ASTN2: variants seen among roughly 807,000 people sequenced by gnomAD.
ASTN2 encodes the protein astrotactin-2.
Under a neutral mutation model 139.8 loss-of-function variants are expected in ASTN2, and 54 were observed. The observed-to-expected ratio is 0.39, with a 90% confidence interval of 0.31 to 0.48. ASTN2 has a LOEUF of 0.48. ASTN2 is among the 20% of genes least tolerant of loss of function. The pLI, the probability that ASTN2 is intolerant of heterozygous loss-of-function variation, is 0.95. For synonymous variants in ASTN2, 756 were observed against 719.5 expected, an observed-to-expected ratio of 1.05 and a Z score of -0.81; for missense variants, 1,565 against 1,725.1, an observed-to-expected ratio of 0.91 and a Z score of 1.64.
intron 19 of ASTN2, among the ~76,000 whole-genome samples, chr9:116,497,128 C>T (rs528126210): frequency 6.6e-6 from 1 of 152,294 alleles, no homozygotes; most frequent in East Asian, 1.9e-4. Flanking sequence ...AAGTGTGCAT[C>T]TGAGGTCACT....
intron 7 of ASTN2, among the ~76,000 whole-genome samples, chr9:116,992,604 G>A (rs1268693344): frequency 1.3e-5 from 2 of 152,084 alleles, no homozygotes; most frequent in African/African-American, 4.8e-5. Context: ...CCTCTCACTT[G>A]TATCACATAC....
chr9:117,317,397 G>T (rs952876314), intron 1 of ASTN2, among the ~76,000 whole-genome samples: 10 of 152,256 alleles, frequency 6.6e-5, no homozygotes, highest in Non-Finnish European at 1.3e-4. Context: ...ATATTATTCT[G>T]TGCTGAGTCA....
intron 13 of ASTN2, among the ~76,000 whole-genome samples, chr9:116,739,217 T>C (rs1400322923): frequency 1.3e-5 from 2 of 152,180 alleles, no homozygotes; most frequent in Non-Finnish European, 2.9e-5. Flanking sequence ...AGGAACTGTT[T>C]TGGGTACTAG....
intron 7 of ASTN2, among the ~76,000 whole-genome samples, chr9:116,988,347 A>T (rs932086760): frequency 6.6e-6 from 1 of 152,236 alleles, no homozygotes; most frequent in African/African-American, 2.4e-5. Flanking sequence ...AATGGGCTCC[A>T]TAAGTATCAC....
chr9:116,882,816 G>T (rs527710966), intron 10 of ASTN2, among the ~76,000 whole-genome samples: 6 of 145,598 alleles, frequency 4.1e-5, no homozygotes, highest in Admixed American at 2.1e-4. Flanking sequence ...GACAGACAGA[G>T]ACCTTGACTC....
At chr9:117,231,770 G>A (rs1321516653) in intron 2 of ASTN2, among the ~76,000 whole-genome samples, 2 of 152,156 alleles carry the variant, frequency 1.3e-5, no homozygotes. Flanking sequence ...AAGTGCAGGA[G>A]AGTAGAAAGA....
intron 21 of ASTN2, 39 bp downstream of exon 21, chr9:116,442,414 A>G: frequency 6.6e-7 from 1 of 1,504,944 alleles, no homozygotes; most frequent in South Asian, 1.1e-5. Flanking sequence ...TAGGGGAAAT[A>G]TGGGAGTTAC....
At chr9:116,467,564 C>T (rs1006230786) in intron 20 of ASTN2, among the ~76,000 whole-genome samples, 4 of 152,228 alleles carry the variant, frequency 2.6e-5, no homozygotes, top group East Asian at 1.9e-4. Context: ...TGCACCCGGC[C>T]GAGACAGAAT....
intron 20 of ASTN2, among the ~76,000 whole-genome samples, chr9:116,482,586 G>C (rs1849206050): frequency 6.6e-6 from 1 of 152,088 alleles, no homozygotes; most frequent in Non-Finnish European, 1.5e-5. Flanking sequence ...ATAATACTAA[G>C]ACCAGAGGAG....
At chr9:116,592,380 G>A (rs1854412656) in intron 19 of ASTN2, among the ~76,000 whole-genome samples, 1 of 152,006 alleles carries the variant, frequency 6.6e-6, no homozygotes, top group Admixed American at 6.5e-5. Flanking sequence ...GAAGGGGGAG[G>A]TGCTACACAC....
chr9:117,104,695 T>A (rs990821230), intron 4 of ASTN2, among the ~76,000 whole-genome samples: 1 of 152,200 alleles, frequency 6.6e-6, no homozygotes, highest in Admixed American at 6.5e-5. Flanking sequence ...ATGATAAGAT[T>A]TAGGTGTGCT....
chr9:117,336,099 A>G (rs1828875120), intron 1 of ASTN2, among the ~76,000 whole-genome samples: 1 of 151,660 alleles, frequency 6.6e-6, no homozygotes, highest in Admixed American at 6.6e-5. Flanking sequence ...ATACACAAAA[A>G]TTTTCCCATT....
chr9:116,738,845 A>C (rs182297163), intron 13 of ASTN2, among the ~76,000 whole-genome samples: 8 of 152,312 alleles, frequency 5.3e-5, no homozygotes, highest in Admixed American at 2.0e-4. Flanking sequence ...AATCGATCCC[A>C]AGCCTGTGCT....
chr9:117,196,118 C>G (rs1032280175), intron 3 of ASTN2, among the ~76,000 whole-genome samples: 3 of 152,136 alleles, frequency 2.0e-5, no homozygotes. Context: ...TACAATAGCT[C>G]TCATGTTGGA....
rs1180799097 is a variant in ASTN2, at chr9:117,413,050, A to C, written c.442+1447T>G. Among the ~76,000 whole-genome samples, 4 of 152,144 alleles carry C rather than the reference A, an allele frequency of 2.6e-5. No individual in the cohort carries two copies. In the East Asian group the frequency reaches 7.7e-4, roughly 29 times the overall value. On this transcript the variant is annotated intron_variant, in intron 1 of 22. Coordinates refer to ENST00000313400, the MANE Select transcript of ASTN2 (RefSeq NM_001365068.1). ...GACGCTCCGCTGCCTCTCCTCCCGG[A>C]ACGCTCGGCACGCTCAGGTTACAGC...
intron 4 of ASTN2, among the ~76,000 whole-genome samples, chr9:117,097,442 G>A (rs1451640957): frequency 2.0e-5 from 3 of 152,128 alleles, no homozygotes; most frequent in African/African-American, 7.2e-5. Context: ...GAAATAACCA[G>A]GAGAGAGAGC....
At chr9:117,328,956 C>T (rs897368466) in intron 1 of ASTN2, among the ~76,000 whole-genome samples, 9 of 152,240 alleles carry the variant, frequency 5.9e-5, no homozygotes, top group South Asian at 2.1e-4. Flanking sequence ...TGGATGCCAT[C>T]GAAGGAGTCT....
chr9:116,610,013 C>G (rs1564151564), intron 19 of ASTN2, among the ~76,000 whole-genome samples: 1 of 151,130 alleles, frequency 6.6e-6, no homozygotes, highest in Non-Finnish European at 1.5e-5. Context: ...TAAAAACTAT[C>G]CAAAAGAAGA....
intron 10 of ASTN2, among the ~76,000 whole-genome samples, chr9:116,872,187 C>T (rs1833185066): frequency 6.6e-6 from 1 of 151,902 alleles, no homozygotes; most frequent in Admixed American, 6.6e-5. Flanking sequence ...TGGTTTTGAA[C>T]TTCTGACCTC....
Sources: gnomAD v4.1 joint callset for allele counts (sites outside exome capture counted in the v4.1 genomes callset) on GRCh38, gnomAD v4.1.1 for gene constraint, MANE v1.5 for transcripts, NCBI Gene and HGNC (gene_info 2026-07-23, HGNC 2026-07-21) for gene names.